Variants in FAT3 observed in about 807,000 individuals in gnomAD.
FAT3 encodes the protein FAT atypical cadherin 3.
Under a neutral mutation model 310.2 loss-of-function variants are expected in FAT3, and 95 were observed. The ratio of observed to expected loss-of-function variants is 0.31; its 90% confidence interval spans 0.26 to 0.36. The LOEUF is 0.36. Among genes scored for constraint, FAT3 ranks in the 10% least tolerant of loss-of-function variants. The pLI is 1.00. For missense variants in FAT3, 5,408 were observed against 5,715.6 expected (o/e 0.95, Z 1.74); for synonymous variants, 2,314 against 2,192.9 (o/e 1.06, Z -1.54).
At chr11:92,629,796 T>C (rs1164904384) in intron 3 of FAT3, among the ~76,000 whole-genome samples, 3 of 152,298 alleles carry the variant, frequency 2.0e-5, no homozygotes, top group Middle Eastern at 3.4e-3. Flanking sequence ...ATCAGACTCC[T>C]GCCCCATGTC....
intron 2 of FAT3, among the ~76,000 whole-genome samples, chr11:92,373,818 A>T (rs1949264655): frequency 6.6e-6 from 1 of 151,220 alleles, no homozygotes; most frequent in African/African-American, 2.4e-5. Flanking sequence ...ACAGAGACAT[A>T]GATAGATATG....
chr11:92,235,198 C>T (rs1864368039), intron 1 of FAT3, among the ~76,000 whole-genome samples: 1 of 152,082 alleles, frequency 6.6e-6, no homozygotes, highest in African/African-American at 2.4e-5. Flanking sequence ...GAGAAGTTCC[C>T]CTCATCTCTC....
intron 1 of FAT3, among the ~76,000 whole-genome samples, chr11:92,259,877 C>G (rs1317206394): frequency 6.6e-6 from 1 of 152,100 alleles, no homozygotes; most frequent in Non-Finnish European, 1.5e-5. Context: ...TCTCCTCTTC[C>G]TTTTGGTGTT....
At chr11:92,456,998 G>C (rs1011821353) in intron 2 of FAT3, among the ~76,000 whole-genome samples, 1 of 152,286 alleles carries the variant, frequency 6.6e-6, no homozygotes, top group South Asian at 2.1e-4. Context: ...AGCAGGAGAG[G>C]ACACAGGCAA....
chr11:92,732,577 G>C (rs1320899165), intron 4 of FAT3, among the ~76,000 whole-genome samples: 1 of 152,164 alleles, frequency 6.6e-6, no homozygotes, highest in Non-Finnish European at 1.5e-5. Flanking sequence ...ATTGCTTCTA[G>C]ATCAGATGGG....
intron 25 of FAT3, among the ~76,000 whole-genome samples, 171 bp downstream of exon 25, chr11:92,887,284 G>A (rs185160944): frequency 1.4e-4 from 22 of 152,308 alleles, no homozygotes; most frequent in African/African-American, 5.3e-4. Context: ...CATTGCCAAA[G>A]GAGCCCCCAT....
At chr11:92,225,404 C>A (rs1338076267) in intron 1 of FAT3, among the ~76,000 whole-genome samples, 1 of 152,156 alleles carries the variant, frequency 6.6e-6, no homozygotes, top group Non-Finnish European at 1.5e-5. Flanking sequence ...GGTGGCTTGG[C>A]CCCGCGGCGG....
At chr11:92,574,456 C>T (rs1242269580) in intron 3 of FAT3, among the ~76,000 whole-genome samples, 1 of 152,062 alleles carries the variant, frequency 6.6e-6, no homozygotes, top group Admixed American at 6.6e-5. Context: ...CTGCTGTGTG[C>T]CTCTGAACCT....
chr11:92,872,491 T>A (rs1393857500), intron 22 of FAT3, among the ~76,000 whole-genome samples: 3 of 152,016 alleles, frequency 2.0e-5, no homozygotes, highest in South Asian at 2.1e-4. Context: ...TGGAAAAAAA[T>A]TTTTCTGGGT....
intron 22 of FAT3, among the ~76,000 whole-genome samples, chr11:92,876,110 G>C (rs933889886): frequency 6.6e-6 from 1 of 152,132 alleles, no homozygotes; most frequent in East Asian, 1.9e-4. Context: ...GCTTGCCAAA[G>C]AGGAGCTGGA....
chr11:92,353,918 G>T lies in FAT3; in HGVS notation c.1806G>T (p.Ala602=), dbSNP rs1410181836. The T allele has an allele frequency of 1.2e-6, 2 of 1,611,790 alleles. No homozygotes were observed. Among genetic ancestry groups the T allele is most frequent in the Non-Finnish European group, 8.5e-7 (1 of 1,178,262 alleles). The change falls in exon 2 of 28, where the codon GCG becomes GCT. Residue 602 remains alanine, a synonymous_variant. Coordinates refer to ENST00000525166, the MANE Select transcript of FAT3 (RefSeq NM_001367949.2). ...GTGGTCACATCACAGCAGTCTCAGC[G>T]ATCGATATCGATGAACTTGAACTTG... The part of the protein sequence containing the change: ...PVGGHITAVS[A]IDIDELELVK...
Position 92,866,760 on chromosome 11 carries a change from G to T in FAT3, c.11678G>T (p.Trp3893Leu). Residue 3893 changes from tryptophan to leucine, a missense_variant, in exon 22 of 28, where the codon TGG becomes TTG. Physicochemically the swap from Trp to Leu is moderately conservative, Grantham distance 61. Coordinates refer to ENST00000525166, the MANE Select transcript of FAT3 (RefSeq NM_001367949.2). ...ACGCAGATTGTGGATGGCAAGCTGT[G>T]GTTCCAGCTGGACTGCGGCAGCGGC... is the stretch of plus-strand genomic sequence containing the variant. ...IILKIVDGKL[W>L]FQLDCGSGPG... The T allele has an allele frequency of 6.2e-7, 1 of 1,613,250 alleles. No homozygotes were observed. Among genetic ancestry groups the T allele is most frequent in the Non-Finnish European group, 8.5e-7 (1 of 1,179,614 alleles).
intron 3 of FAT3, among the ~76,000 whole-genome samples, chr11:92,614,252 T>G (rs1263067703): frequency 2.0e-5 from 3 of 152,202 alleles, no homozygotes; most frequent in Non-Finnish European, 4.4e-5. Flanking sequence ...TTCATTTGTC[T>G]TAGGAATATA....
chr11:92,760,308 T>A (rs571445840), intron 4 of FAT3, among the ~76,000 whole-genome samples: 1 of 152,326 alleles, frequency 6.6e-6, no homozygotes, highest in Non-Finnish European at 1.5e-5. Context: ...TGCAATTCCA[T>A]TTTGCAAAAA....
At chr11:92,336,390 G>T in intron 1 of FAT3, 1 of 349,874 alleles carries the variant, frequency 2.9e-6, no homozygotes, top group East Asian at 7.0e-5. Context: ...GGCGACCACA[G>T]TCCTGGAGAA....
At position 92,893,942 on chromosome 11, in the gene FAT3, AG is replaced by A. The variant is rs1026433417; in HGVS notation, c.*2830del. On this transcript the variant is annotated 3_prime_UTR_variant, in exon 28 of 28. Coordinates refer to ENST00000525166, the MANE Select transcript of FAT3 (RefSeq NM_001367949.2). ...AGAGGAAACATACCCAGAGTGGGAA[AG>A]AGACTTGCCCAAGCCCACAGAGGAA... is the stretch of plus-strand genomic sequence containing the variant. 16 of 152,226 alleles carry A rather than the reference AG, an allele frequency of 1.1e-4. No individual in the cohort carries two copies. The highest frequency in any genetic ancestry group is 3.4e-4 in the African/African-American group (14 of 41,460). 9.4% of individuals were successfully genotyped at this position (152,226 alleles called of 1,614,324 possible).
chr11:92,476,090 T>G (rs2135170927), intron 2 of FAT3, among the ~76,000 whole-genome samples: 1 of 152,058 alleles, frequency 6.6e-6, no homozygotes, highest in Non-Finnish European at 1.5e-5. Flanking sequence ...TGCGTGTGTG[T>G]GTGTATACAA....
chr11:92,610,860 A>C (rs1347531769), intron 3 of FAT3, among the ~76,000 whole-genome samples: 1 of 152,178 alleles, frequency 6.6e-6, no homozygotes, highest in Non-Finnish European at 1.5e-5. Context: ...GATTGAGTGC[A>C]TAAAGACTGC....
At chr11:92,633,776 G>A (rs1171552321) in intron 3 of FAT3, among the ~76,000 whole-genome samples, 1 of 152,078 alleles carries the variant, frequency 6.6e-6, no homozygotes, top group Non-Finnish European at 1.5e-5. Context: ...CAATGATGTT[G>A]TTTTAAAAGT....
Sources: gnomAD v4.1 joint callset for allele counts (sites outside exome capture counted in the v4.1 genomes callset) on GRCh38, gnomAD v4.1.1 for gene constraint, MANE v1.5 for transcripts, NCBI Gene and HGNC (gene_info 2026-07-23, HGNC 2026-07-21) for gene names.